Variants in TMEM14A observed in about 807,000 individuals in gnomAD.
TMEM14A encodes transmembrane protein 14A.
A neutral mutation model predicts 11.6 loss-of-function variants in TMEM14A; 8 were observed. That is an observed-to-expected ratio of 0.69 (90% CI 0.40 to 1.24). TMEM14A has a LOEUF of 1.24. TMEM14A is among the 50% of genes most tolerant of loss of function. The probability of loss-of-function intolerance (pLI) is 0.01; values close to 1 mark genes in which losing one functional copy is unlikely to be tolerated. For missense variants in TMEM14A, 108 were observed against 121.9 expected, an observed-to-expected ratio of 0.89 and a Z score of 0.54; for synonymous variants, 34 against 45.5, an observed-to-expected ratio of 0.75 and a Z score of 1.02.
In TMEM14A at chr6:52,683,458, T is replaced by TCAA. The variant is rs569684284; in HGVS notation, c.173-595_173-593dup. 1.9e-4 allele frequency among the ~76,000 whole-genome samples: 27 copies of TCAA among 143,398 alleles called. No homozygotes were observed. In the South Asian group the frequency reaches 2.3e-3, roughly 12 times the overall value. The allele number at this position is 143,398 out of a possible 152,430, so 94.1% of individuals were successfully genotyped here. ...CTGGGTGACAGAGCAAGACTCTGTC[T>TCAA]CAACAACAACAACAACAACAACAAC... On this transcript the variant is annotated intron_variant, in intron 3 of 4. Transcript: ENST00000211314.
chr6:52,672,534 C>T (rs1451087437), intron 1 of TMEM14A, among the ~76,000 whole-genome samples: 1 of 152,064 alleles, frequency 6.6e-6, no homozygotes, highest in African/African-American at 2.4e-5. Flanking sequence ...TTCCTAGCCA[C>T]CTCCCTCTTC....
chr6:52,680,710 T>C lies in TMEM14A; in HGVS notation c.71-1103T>C, dbSNP rs867103322. ...ATATATGTATATATATATATACACATATATATATGGCATGGATGATTAACC... is the reference window on the plus strand; with the variant it reads ...ATATATGTATATATATATATACACACATATATATGGCATGGATGATTAACC... On this transcript the variant is annotated intron_variant, in intron 2 of 4. Coordinates refer to ENST00000211314, the MANE Select transcript of TMEM14A (RefSeq NM_014051.4). Among the ~76,000 whole-genome samples the C allele has an allele frequency of 4.7e-3, 599 of 127,580 alleles. 20 individuals are homozygous for C. The highest frequency in any genetic ancestry group is 0.016 in the African/African-American group (562 of 34,304). The allele number at this position is 127,580 out of a possible 152,430, so 83.7% of individuals were successfully genotyped here. A position where few individuals can be genotyped will look rare whatever the true frequency, so the allele number is the denominator to read the frequency against.
In TMEM14A at chr6:52,686,161, A is replaced by G; in HGVS notation, c.*112A>G. On this transcript the variant is annotated 3_prime_UTR_variant, in exon 5 of 5. Coordinates refer to ENST00000211314, the MANE Select transcript of TMEM14A (RefSeq NM_014051.4). Reference sequence around the variant, plus strand: ...AATATGGAATGCTAGAAACACAAATAGCACTGTCACCTCTAATATGAACAT... The same window carrying G: ...AATATGGAATGCTAGAAACACAAATGGCACTGTCACCTCTAATATGAACAT... The G allele has an allele frequency of 1.9e-6, 2 of 1,045,514 alleles. No homozygotes were observed. The highest frequency in any genetic ancestry group is 2.7e-6 in the Non-Finnish European group (2 of 727,546). The allele number at this position is 1,045,514 out of a possible 1,614,324, so 64.8% of individuals were successfully genotyped here.
intron 4 of TMEM14A, among the ~76,000 whole-genome samples, chr6:52,685,081 A>T (rs1197005396): frequency 6.6e-6 from 1 of 152,234 alleles, no homozygotes; most frequent in African/African-American, 2.4e-5. Context: ...GTTTGTGTAT[A>T]AAAAAACAGG....
intron 1 of TMEM14A, among the ~76,000 whole-genome samples, chr6:52,676,359 C>A (rs925991053): frequency 6.6e-6 from 1 of 152,102 alleles, no homozygotes; most frequent in East Asian, 1.9e-4. Context: ...CTCAAGCAAT[C>A]CTCCCAACTC....
At chr6:52,682,028 C>T in intron 3 of TMEM14A, 114 bp downstream of exon 3, 1 of 812,866 alleles carries the variant, frequency 1.2e-6, no homozygotes. Flanking sequence ...TGGCCATATG[C>T]ATGTGTTGAG....
rs899915679 is a variant in TMEM14A at position 52,678,072 on chromosome 6, GA to G, written c.70+909del. Among the ~76,000 whole-genome samples, 77 of 150,266 alleles carry G rather than the reference GA, an allele frequency of 5.1e-4. 1 individual carries two copies. The highest frequency in any genetic ancestry group is 1.5e-3 in the South Asian group (7 of 4,772). ...ATGTATTAGAGATGTGTATTTGAAG[GA>G]AAAAAAAAGATGATGGCACCAAAGT... On this transcript the variant is annotated intron_variant, in intron 2 of 4. Coordinates refer to ENST00000211314, the MANE Select transcript of TMEM14A (RefSeq NM_014051.4).
At chr6:52,671,495 T>A (rs1006014620) in intron 1 of TMEM14A, among the ~76,000 whole-genome samples, 2 of 152,076 alleles carry the variant, frequency 1.3e-5, no homozygotes, top group Non-Finnish European at 2.9e-5. Flanking sequence ...GCCTCCTACC[T>A]TCCTGGATCT....
At chr6:52,676,683 A>G (rs143383988) in intron 1 of TMEM14A, among the ~76,000 whole-genome samples, 56 of 152,340 alleles carry the variant, frequency 3.7e-4, no homozygotes, top group East Asian at 1.5e-3. Context: ...AAAGAGGTTT[A>G]ATCAACTCAA....
intron 3 of TMEM14A, among the ~76,000 whole-genome samples, chr6:52,683,470 AC>A (rs1769428981): frequency 1.8e-5 from 2 of 108,124 alleles, no homozygotes; most frequent in African/African-American, 7.7e-5. Context: ...AACAACAACA[AC>A]AACAACAACA....
At chr6:52,679,219 CTG>C (rs1380182251) in intron 2 of TMEM14A, among the ~76,000 whole-genome samples, 1 of 152,122 alleles carries the variant, frequency 6.6e-6, no homozygotes, top group African/African-American at 2.4e-5. Context: ...ATGCTGAGCA[CTG>C]TGCTTGCCTG....
Position 52,686,336 on chromosome 6 carries a change from C to G in TMEM14A, c.*287C>G, listed in dbSNP as rs1769493397. On this transcript the variant is annotated 3_prime_UTR_variant, in exon 5 of 5. Coordinates refer to ENST00000211314, the MANE Select transcript of TMEM14A (RefSeq NM_014051.4). ...TATATTTGGTATTTTTTGAAAATTC[C>G]AAATACTCATGTCTCAAGTAAGCTT... is the stretch of plus-strand genomic sequence containing the variant. The G allele has an allele frequency of 7.6e-6, 3 of 393,568 alleles. No homozygotes were observed. The highest frequency in any genetic ancestry group is 6.2e-5 in the African/African-American group (3 of 48,358). 24.4% of individuals were successfully genotyped at this position (393,568 alleles called of 1,614,324 possible).
intron 2 of TMEM14A, among the ~76,000 whole-genome samples, chr6:52,678,252 G>C (rs1419658642): frequency 6.6e-6 from 1 of 151,996 alleles, no homozygotes; most frequent in Non-Finnish European, 1.5e-5. Flanking sequence ...AAGAACATCT[G>C]GGCATTTTTG....
intron 1 of TMEM14A, among the ~76,000 whole-genome samples, chr6:52,673,912 C>T (rs1441264282): frequency 3.3e-5 from 5 of 152,196 alleles, no homozygotes; most frequent in Admixed American, 6.5e-5. Context: ...TAGCCTTACA[C>T]ATGTCAAGCT....
At chr6:52,680,706 C>CATATATGTGTATATATATATAT (rs1397954310) in intron 2 of TMEM14A, among the ~76,000 whole-genome samples, 12 of 24,478 alleles carry the variant, frequency 4.9e-4, no homozygotes, top group Non-Finnish European at 1.2e-3. Context: ...TATATATATA[C>CATATATGTGTATATATATATAT]ACATATATAT....
In TMEM14A at chr6:52,674,344, G is replaced by A. The variant is rs571492319; in HGVS notation, c.-16-2743G>A. On this transcript the variant is annotated intron_variant, in intron 1 of 4. Transcript: ENST00000211314. ...AAGAACATGTTTGGTTTACATGTTC[G>A]CTTTTTTTCAGCAGCTAACTCAGTT... Among the ~76,000 whole-genome samples the A allele has an allele frequency of 1.3e-4, 20 of 152,276 alleles. No individual in the cohort carries two copies. In the East Asian group the frequency reaches 2.1e-3, roughly 16 times the overall value.
chr6:52,680,687 A>ATATGTG lies in TMEM14A; in HGVS notation c.71-1121_71-1120insGTATGT, dbSNP rs1561875123. ...TATATGTGTATATATATATATACAT[A>ATATGTG]TATGTATATATATATATACACATAT... On this transcript the variant is annotated intron_variant, in intron 2 of 4. Coordinates refer to ENST00000211314, the MANE Select transcript of TMEM14A (RefSeq NM_014051.4). 4.9e-4 allele frequency among the ~76,000 whole-genome samples: 29 copies of ATATGTG among 59,616 alleles called. 1 individual carries two copies. Among genetic ancestry groups the ATATGTG allele is most frequent in the Non-Finnish European group, 8.9e-4 (22 of 24,856 alleles). The allele number at this position is 59,616 out of a possible 152,430, so 39.1% of individuals were successfully genotyped here.
chr6:52,679,825 C>T (rs1463543373), intron 2 of TMEM14A, among the ~76,000 whole-genome samples: 2 of 142,110 alleles, frequency 1.4e-5, no homozygotes, highest in African/African-American at 5.2e-5. Flanking sequence ...AGTGTAGACA[C>T]TGCCACTTTC....
At chr6:52,684,412 A>C (rs1370309059) in intron 4 of TMEM14A, among the ~76,000 whole-genome samples, 1 of 152,204 alleles carries the variant, frequency 6.6e-6, no homozygotes, top group African/African-American at 2.4e-5. Flanking sequence ...CTTTTTCAGA[A>C]GAAAGAGCTA....
Sources: allele counts gnomAD v4.1 joint callset (sites outside exome capture counted in the v4.1 genomes callset), GRCh38; gene constraint gnomAD v4.1.1; transcripts MANE v1.5; gene names NCBI Gene and HGNC (gene_info 2026-07-23, HGNC 2026-07-21).